The following MDN1 variants were observed in gnomAD, a reference collection of about 807,000 sequenced individuals.
MDN1 encodes midasin AAA ATPase 1, also known as midasin.
MDN1 carries 266 observed loss-of-function variants against 669.2 expected under a neutral mutation model. The observed-to-expected ratio is 0.40, with a 90% CI of 0.36 to 0.44. The LOEUF (loss-of-function observed/expected upper bound fraction) is 0.44. Ranked by LOEUF, MDN1 falls within the 20% of genes least tolerant of loss-of-function variation. MDN1 has a pLI of 1.00. For missense variants in MDN1, 5,940 were observed against 6,754.0 expected (o/e 0.88, Z 4.22); for synonymous variants, 2,385 against 2,457.1 (o/e 0.97, Z 0.87).
intron 39 of MDN1, 44 bp downstream of exon 39, chr6:89,723,468 A>G (rs1814978278): frequency 1.7e-6 from 2 of 1,205,540 alleles, no homozygotes; most frequent in African/African-American, 3.1e-5. Flanking sequence ...ACTGGTTCAA[A>G]TACAGCCAGA....
chr6:89,722,579 T>C (rs1814905763), intron 40 of MDN1, among the ~76,000 whole-genome samples: 1 of 152,232 alleles, frequency 6.6e-6, no homozygotes, highest in African/African-American at 2.4e-5. Context: ...CCGGGCGTGG[T>C]GGCTCACGCC....
chr6:89,742,325 T>G (rs917210187), intron 31 of MDN1, among the ~76,000 whole-genome samples: 21 of 152,056 alleles, frequency 1.4e-4, no homozygotes, highest in Non-Finnish European at 8.8e-5. Flanking sequence ...GGCACAACAA[T>G]CAAACTTGGA....
chr6:89,760,833 A>G (rs1817505247), intron 17 of MDN1, among the ~76,000 whole-genome samples: 1 of 152,178 alleles, frequency 6.6e-6, no homozygotes, highest in African/African-American at 2.4e-5. Flanking sequence ...TAGTTAGCAG[A>G]GGCTGGAGAG....
intron 1 of MDN1, among the ~76,000 whole-genome samples, chr6:89,815,743 G>A (rs1427041876): frequency 1.3e-5 from 2 of 152,220 alleles, no homozygotes; most frequent in African/African-American, 4.8e-5. Flanking sequence ...GGCATCAGAT[G>A]TTTGAGAGCT....
rs758936210 is a variant in MDN1, at chr6:89,650,155, T to C, written c.16075A>G (p.Ile5359Val). The C allele has an allele frequency of 7.4e-6, 12 of 1,614,048 alleles. No individual in the cohort carries two copies. The highest frequency in any genetic ancestry group is 1.1e-5 in the South Asian group (1 of 91,082). The change falls in exon 97 of 102, where the codon ATT becomes GTT. Residue 5359 changes from isoleucine to valine, a missense_variant. Physicochemically the swap from Ile to Val is conservative, Grantham distance 29 (BLOSUM62 3). Around this residue, in one of 5 missense-constraint regions of MDN1, gnomAD observed 2,280 missense variants for 2,576.3 expected, o/e 0.88. Transcript: ENST00000369393. ...CGAAATTGACTAGCAATGTATGGAATGACTTTCCGTATGTTTAGTCGTTTC... is the reference window on the plus strand; with the variant it reads ...CGAAATTGACTAGCAATGTATGGAACGACTTTCCGTATGTTTAGTCGTTTC... ...TGKRLNIRKV[I>V]PYIASQFRKD...
At chr6:89,699,807 GT>G in intron 57 of MDN1, 80 bp from the exon 58 acceptor site, 1 of 1,446,900 alleles carries the variant, frequency 6.9e-7, no homozygotes. Context: ...TAGGGAAGGT[GT>G]AACATAAAAC....
chr6:89,712,563 G>C lies in MDN1; in HGVS notation c.7430+12C>G. 6.2e-7 allele frequency: 1 copy of C among 1,611,016 alleles called. No individual in the cohort carries two copies. The highest frequency in any genetic ancestry group is 8.5e-7 in the Non-Finnish European group (1 of 1,177,564). The stretch of plus-strand genomic sequence containing the variant: ...CAAGAAACCAGAGACACAAGCTGAA[G>C]GCTCCACTGACCTTGTCCAGCTGCT... On this transcript the variant is annotated intron_variant, in intron 48 of 101. Coordinates refer to ENST00000369393, the MANE Select transcript of MDN1 (RefSeq NM_014611.3).
chr6:89,725,309 T>G lies in MDN1; in HGVS notation c.5560A>C (p.Ser1854Arg). The change falls in exon 38 of 102, where the codon AGC becomes CGC. Residue 1854 changes from serine (S) to arginine (R), a missense_variant. This residue lies in a region of MDN1 where 2,292 missense variants were observed against 2,638.3 expected (regional missense o/e 0.87). Transcript: ENST00000369393. ...GTCTTTTCATGCTGCACTTGAAAGC[T>G]CATTCCTAACTCAGGCACATAGATT... ...GEIYVPELGM[S>R]FQVQHEKTKI... 1 of 1,613,936 alleles carries G rather than the reference T, an allele frequency of 6.2e-7. No individual in the cohort carries two copies. Among genetic ancestry groups the G allele is most frequent in the South Asian group, 1.1e-5 (1 of 91,072 alleles).
Position 89,671,005 on chromosome 6 carries a change from A to G in MDN1, c.13870T>C (p.Phe4624Leu), listed in dbSNP as rs1183286491. Reference sequence around the variant, plus strand: ...TGAGTTGCTAAAGACATGGTCAGGAAGAAGAGGACGAGGTCTGAGTAGCTG... The same window carrying G: ...TGAGTTGCTAAAGACATGGTCAGGAGGAAGAGGACGAGGTCTGAGTAGCTG... ...LSSYSDLVLF[F>L]LTMSLATHRS... Residue 4624 changes from phenylalanine (F) to leucine (L), a missense_variant, in exon 83 of 102, where the codon TTC (phenylalanine) becomes CTC (leucine). By Grantham distance (22) the Phe-to-Leu change is conservative. Transcript: ENST00000369393. The G allele has an allele frequency of 1.2e-6, 2 of 1,614,050 alleles. No homozygotes were observed. Among genetic ancestry groups the G allele is most frequent in the African/African-American group, 1.3e-5 (1 of 74,926 alleles).
rs117479537 is a variant in MDN1, at chr6:89,794,708, C to T, written c.423G>A (p.Arg141=). ...SDANPVRYGR[R]RMKLRDLMEA... is the part of the protein sequence containing the mutation. ...CCATTAGGTCCCGGAGCTTCATCCT[C>T]CTACGTCCATAGCGTACTGGATTAG... The change falls in exon 3 of 102, where the codon AGG becomes AGA. Residue 141 remains arginine (R), a synonymous_variant. Transcript: ENST00000369393. The T allele has an allele frequency of 3.0e-5, 48 of 1,614,198 alleles. No homozygotes were observed. The highest frequency in any genetic ancestry group is 1.8e-4 in the South Asian group (16 of 91,080).
At chr6:89,742,695 G>A (rs911597462) in intron 31 of MDN1, among the ~76,000 whole-genome samples, 1 of 152,312 alleles carries the variant, frequency 6.6e-6, no homozygotes, top group Admixed American at 6.5e-5. Flanking sequence ...TCTGAGGTCT[G>A]ATGATGGCTT....
At chr6:89,734,691 A>AGAGAGAGAGAGAG (rs370691129) in intron 33 of MDN1, among the ~76,000 whole-genome samples, 1,420 of 112,916 alleles carry the variant, frequency 0.013, 78 homozygotes, top group East Asian at 0.076. Flanking sequence ...AAAAAAAAAC[A>AGAGAGAGAGAGAG]AGAGAGAGAG....
intron 73 of MDN1, among the ~76,000 whole-genome samples, chr6:89,682,699 TAAAAAAAAAAAAA>T (rs143107841): frequency 6.2e-5 from 6 of 96,896 alleles, no homozygotes; most frequent in Middle Eastern, 5.9e-3. Flanking sequence ...GACTCTGTCT[TAAAAAAAAAAAAA>T]AAAAAAAAAA....
chr6:89,656,637 C>A, intron 91 of MDN1, 63 bp downstream of exon 91: 8 of 1,071,756 alleles, frequency 7.5e-6, no homozygotes, highest in Non-Finnish European at 1.1e-5. Context: ...TAAAGCACTA[C>A]GTTTGGAACA....
rs148759000 is a variant in MDN1, at chr6:89,671,582, G to A, written c.13795-502C>T. On this transcript the variant is annotated intron_variant, in intron 82 of 101. Coordinates refer to ENST00000369393, the MANE Select transcript of MDN1 (RefSeq NM_014611.3). ...GCCTATACTGCCAGCTATCTGGGAG[G>A]CTGAGGTGTGAGGATCACCTGAGCC... Among the ~76,000 whole-genome samples, 5 of 152,192 alleles carry A rather than the reference G, an allele frequency of 3.3e-5. No individual in the cohort carries two copies. In the East Asian group the frequency reaches 9.6e-4, roughly 29 times the overall value.
chr6:89,696,276 G>A, intron 60 of MDN1, 84 bp downstream of exon 60: 7 of 1,412,986 alleles, frequency 5.0e-6, no homozygotes, highest in Non-Finnish European at 4.9e-6. Context: ...AGCCACTACA[G>A]AAGGAAGTTC....
Position 89,692,761 on chromosome 6 carries a change from G to A in MDN1, c.10269C>T (p.His3423=), listed in dbSNP as rs769268163. The A allele has an allele frequency of 3.7e-6, 6 of 1,613,936 alleles. No homozygotes were observed. Among genetic ancestry groups the A allele is most frequent in the African/African-American group, 1.3e-5 (1 of 74,948 alleles). Residue 3423 remains histidine, a synonymous_variant, in exon 63 of 102, where the codon CAC becomes CAT. Coordinates refer to ENST00000369393, the MANE Select transcript of MDN1 (RefSeq NM_014611.3). ...LVASELHTSL[H]SSMVGADRLG... ...GCCTGTCTGCACCAACCATACTGCT[G>A]TGGAGTGAGGTGTGGAGCTCAGAGG...
At chr6:89,687,986 T>C in intron 67 of MDN1, 92 bp downstream of exon 67, 1 of 1,150,834 alleles carries the variant, frequency 8.7e-7, no homozygotes, top group Non-Finnish European at 1.3e-6. Flanking sequence ...TAGCCCAAAC[T>C]ATAATTTTCT....
intron 15 of MDN1, among the ~76,000 whole-genome samples, chr6:89,766,683 AATT>A (rs904276867): frequency 2.0e-5 from 3 of 152,236 alleles, no homozygotes; most frequent in African/African-American, 7.2e-5. Flanking sequence ...GGCTACACAA[AATT>A]ATAACATGTG....
Sources: allele counts gnomAD v4.1 joint callset (sites outside exome capture counted in the v4.1 genomes callset), GRCh38; gene constraint gnomAD v4.1.1; regional missense constraint gnomAD v4.1.1; transcripts MANE v1.5; gene names NCBI Gene and HGNC (gene_info 2026-07-23, HGNC 2026-07-21).